DOK6: variants seen among roughly 807,000 people sequenced by gnomAD.
DOK6 encodes the protein downstream of tyrosine kinase 6.
Under a neutral mutation model 44.0 loss-of-function variants are expected in DOK6, and 22 were observed. That is an observed-to-expected ratio of 0.50 (90% CI 0.36 to 0.71). The LOEUF (loss-of-function observed/expected upper bound fraction) is 0.71. Among genes scored for constraint, DOK6 ranks in the 30% least tolerant of loss-of-function variants. The pLI is 0.00. For missense variants in DOK6, 340 were observed against 416.4 expected, an observed-to-expected ratio of 0.82 and a Z score of 1.60; for synonymous variants, 166 against 145.5, an observed-to-expected ratio of 1.14 and a Z score of -1.01.
At chr18:69,821,365 T>C (rs1049704747) in intron 7 of DOK6, among the ~76,000 whole-genome samples, 4 of 152,158 alleles carry the variant, frequency 2.6e-5, no homozygotes, top group African/African-American at 7.2e-5. Flanking sequence ...TCAGTTCAAC[T>C]GTCTGTTACG....
At chr18:69,739,239 C>T (rs888355914) in intron 6 of DOK6, 136 bp downstream of exon 6, 146 of 1,124,774 alleles carry the variant, frequency 1.3e-4, no homozygotes, top group Non-Finnish European at 1.7e-4. Flanking sequence ...GCTTACCCTA[C>T]CCTCTCATCT....
intron 1 of DOK6, among the ~76,000 whole-genome samples, chr18:69,558,212 T>A (rs1217708917): frequency 6.6e-6 from 1 of 152,134 alleles, no homozygotes; most frequent in East Asian, 1.9e-4. Context: ...CTAAAGCAGA[T>A]CCTAATGCAC....
chr18:69,475,580 C>G (rs76527785), intron 1 of DOK6, among the ~76,000 whole-genome samples: 28,249 of 152,162 alleles, frequency 0.19, 3,138 homozygotes, highest in Non-Finnish European at 0.23. Flanking sequence ...TAGATGGCCC[C>G]GCCTCTACCT....
At chr18:69,652,864 T>A (rs1985266400) in intron 3 of DOK6, among the ~76,000 whole-genome samples, 1 of 152,172 alleles carries the variant, frequency 6.6e-6, no homozygotes, top group Admixed American at 6.6e-5. Flanking sequence ...GAGATGATTC[T>A]AGCTGCAAGA....
At chr18:69,786,161 CTT>C (rs1980422227) in intron 7 of DOK6, among the ~76,000 whole-genome samples, 1 of 152,070 alleles carries the variant, frequency 6.6e-6, no homozygotes, top group African/African-American at 2.4e-5. Flanking sequence ...TAAATCAAAA[CTT>C]GACATGGAGA....
At chr18:69,594,770 C>T (rs934677190) in intron 2 of DOK6, among the ~76,000 whole-genome samples, 20 of 151,812 alleles carry the variant, frequency 1.3e-4, no homozygotes, top group Admixed American at 2.6e-4. Context: ...AGGAGGATCA[C>T]TTGACATCAG....
Position 69,814,691 on chromosome 18 carries a change from G to C in DOK6, c.857-26553G>C, listed in dbSNP as rs115401357. Among the ~76,000 whole-genome samples the C allele has an allele frequency of 4.1e-3, 629 of 152,232 alleles. 5 individuals carry two copies. Among genetic ancestry groups the C allele is most frequent in the African/African-American group, 0.013 (548 of 41,540 alleles). On this transcript the variant is annotated intron_variant, in intron 7 of 7. Coordinates refer to ENST00000382713, the MANE Select transcript of DOK6 (RefSeq NM_152721.6). Reference sequence around the variant, plus strand: ...AGGAAGCAAGGCATGTCTTCTCATGGTAGCATGAAGGAGAGAGAGTGCAAG... The same window carrying C: ...AGGAAGCAAGGCATGTCTTCTCATGCTAGCATGAAGGAGAGAGAGTGCAAG...
At chr18:69,485,466 C>T (rs1980548243) in intron 1 of DOK6, among the ~76,000 whole-genome samples, 1 of 152,076 alleles carries the variant, frequency 6.6e-6, no homozygotes, top group Non-Finnish European at 1.5e-5. Context: ...TCACTCTGTC[C>T]CGTGGATGCA....
chr18:69,778,161 T>C (rs1023297947), intron 7 of DOK6, among the ~76,000 whole-genome samples: 12 of 152,234 alleles, frequency 7.9e-5, no homozygotes, highest in African/African-American at 2.6e-4. Flanking sequence ...GGAAAATACA[T>C]GGGTATGCGC....
At chr18:69,585,373 C>T (rs937695713) in intron 2 of DOK6, among the ~76,000 whole-genome samples, 5 of 151,878 alleles carry the variant, frequency 3.3e-5, no homozygotes, top group Admixed American at 6.6e-5. Context: ...TTCTTTTGAA[C>T]TTACTAAGAC....
intron 3 of DOK6, among the ~76,000 whole-genome samples, chr18:69,601,021 A>T (rs1396941369): frequency 2.0e-5 from 3 of 152,168 alleles, no homozygotes; most frequent in Non-Finnish European, 4.4e-5. Context: ...ATTATAATCT[A>T]CTCTCCATTT....
intron 4 of DOK6, 31 bp from the exon 5 acceptor site, chr18:69,698,372 CT>C: frequency 6.4e-7 from 1 of 1,574,108 alleles, no homozygotes; most frequent in African/African-American, 1.4e-5. Context: ...CCTCTTTTCA[CT>C]TAACCTTCTC....
chr18:69,692,858 T>C (rs954394815), intron 4 of DOK6, among the ~76,000 whole-genome samples: 3 of 152,248 alleles, frequency 2.0e-5, no homozygotes, highest in African/African-American at 4.8e-5. Context: ...TATACATTTA[T>C]GTAAGTATTA....
Position 69,473,799 on chromosome 18 carries a change from A to G in DOK6, c.66+72489A>G, listed in dbSNP as rs563535300. Among the ~76,000 whole-genome samples the G allele has an allele frequency of 1.8e-3, 277 of 152,338 alleles. 1 individual carries two copies. The highest frequency in any genetic ancestry group is 6.4e-3 in the African/African-American group (265 of 41,574). The stretch of plus-strand genomic sequence containing the variant: ...AATGGCTTTGACCACATGTCTTGCT[A>G]TGGAATCCACTGGAGGGAAACTGTC... On this transcript the variant is annotated intron_variant, in intron 1 of 7. Transcript: ENST00000382713.
intron 7 of DOK6, among the ~76,000 whole-genome samples, chr18:69,834,983 C>G (rs1020217459): frequency 1.3e-5 from 2 of 152,184 alleles, no homozygotes; most frequent in African/African-American, 4.8e-5. Context: ...ATGATCAAAA[C>G]AGGACCTTGC....
At chr18:69,552,431 A>T (rs996851480) in intron 1 of DOK6, among the ~76,000 whole-genome samples, 5 of 152,078 alleles carry the variant, frequency 3.3e-5, no homozygotes. Context: ...TGACAATATC[A>T]ATAAAATTTG....
intron 3 of DOK6, among the ~76,000 whole-genome samples, chr18:69,667,174 CA>C (rs1375454745): frequency 1.3e-5 from 2 of 152,092 alleles, no homozygotes; most frequent in African/African-American, 4.8e-5. Flanking sequence ...ATGGTCTTTC[CA>C]ACTCCTTCTC....
chr18:69,413,577 A>G (rs930907993), intron 1 of DOK6, among the ~76,000 whole-genome samples: 1 of 152,104 alleles, frequency 6.6e-6, no homozygotes, highest in Non-Finnish European at 1.5e-5. Flanking sequence ...ACTAAGTGAA[A>G]CTTCACATAA....
chr18:69,664,107 G>T (rs556308508), intron 3 of DOK6, among the ~76,000 whole-genome samples: 1 of 152,262 alleles, frequency 6.6e-6, no homozygotes, highest in Non-Finnish European at 1.5e-5. Flanking sequence ...ATGTACTAAT[G>T]CATTAAATGT....
Sources: allele counts gnomAD v4.1 joint callset (sites outside exome capture counted in the v4.1 genomes callset), GRCh38; gene constraint gnomAD v4.1.1; transcripts MANE v1.5; gene names NCBI Gene and HGNC (gene_info 2026-07-23, HGNC 2026-07-21).